The following SLC30A3 variants were observed in gnomAD, a reference collection of about 807,000 sequenced individuals.
SLC30A3 encodes the protein probable proton-coupled zinc antiporter SLC30A3.
In SLC30A3, 20 loss-of-function variants were observed where a neutral mutation model predicts 35.6. The ratio of observed to expected loss-of-function variants is 0.56; its 90% CI spans 0.39 to 0.82. The LOEUF (loss-of-function observed/expected upper bound fraction) is 0.82, where lower values mean the gene tolerates loss of function less well. Among genes scored for constraint, SLC30A3 ranks in the 40% least tolerant of loss-of-function variants. The pLI, the probability that SLC30A3 is intolerant of heterozygous loss-of-function variation, is 0.00. For synonymous variants in SLC30A3, 217 were observed against 224.7 expected, an observed-to-expected ratio of 0.97 and a Z score of 0.31; for missense variants, 401 against 530.6, an observed-to-expected ratio of 0.76 and a Z score of 2.40.
At chr2:27,269,556 GT>G (rs1292716230) in intron 1 of SLC30A3, among the ~76,000 whole-genome samples, 1 of 151,938 alleles carries the variant, frequency 6.6e-6, no homozygotes, top group Non-Finnish European at 1.5e-5. Flanking sequence ...ATGGAGTGTG[GT>G]TTTGAGGCAA....
At chr2:27,273,514 C>T (rs1412408387) in intron 1 of SLC30A3, among the ~76,000 whole-genome samples, 1 of 148,236 alleles carries the variant, frequency 6.7e-6, no homozygotes, top group Non-Finnish European at 1.5e-5. Flanking sequence ...CCATGATAGT[C>T]ATGAAAGCTT....
rs1676902014 is a variant in SLC30A3 at position 27,257,082 on chromosome 2, G to C, written c.777+72C>G. 6.8e-7 allele frequency: 1 copy of C among 1,473,246 alleles called. No individual in the cohort carries two copies. 91.3% of individuals were successfully genotyped at this position (1,473,246 alleles called of 1,614,324 possible). ...CTGGAGGGAGGAGGAAGGAAGCTTT[G>C]GGACCTGGGAAGGAGTGGGCTGGGA... On this transcript the variant is annotated intron_variant, in intron 5 of 7. Coordinates refer to ENST00000233535, the MANE Select transcript of SLC30A3 (RefSeq NM_003459.5). This position sits in a 1 kb window ranked among gnomAD's most constrained non-coding sequence, Gnocchi z 4.7.
At chr2:27,275,058 TCC>T in intron 1 of SLC30A3, 2 of 528,084 alleles carry the variant, frequency 3.8e-6, no homozygotes, top group Non-Finnish European at 6.6e-6. Flanking sequence ...AGTTGGGTCT[TCC>T]AGGTTGTGGA....
At chr2:27,264,071 C>A, upstream of SLC30A3, 1 of 1,288,572 alleles carries the variant, frequency 7.8e-7, no homozygotes, top group Non-Finnish European at 1.0e-6. This position sits in a 1 kb window ranked among gnomAD's most constrained non-coding sequence, Gnocchi z 6.1. Context: ...TCTCCCCTCG[C>A]ACCTGCCGCC....
chr2:27,260,878 T>C (rs1013438638), intron 1 of SLC30A3, among the ~76,000 whole-genome samples: 1 of 152,146 alleles, frequency 6.6e-6, no homozygotes. Context: ...AAGGAGGCTG[T>C]GAAACCGATC....
At chr2:27,263,804 T>C (rs1677355019), upstream of SLC30A3, among the ~76,000 whole-genome samples, 1 of 142,828 alleles carries the variant, frequency 7.0e-6, no homozygotes. Flanking sequence ...TGGAGAGCGC[T>C]CACAGTTCTC....
At chr2:27,270,264 T>C (rs1454746216) in intron 1 of SLC30A3, among the ~76,000 whole-genome samples, 2 of 152,196 alleles carry the variant, frequency 1.3e-5, no homozygotes, top group Non-Finnish European at 2.9e-5. Flanking sequence ...GCAATAGTTT[T>C]TATTAGAAGT....
chr2:27,273,429 C>T (rs965340951), intron 1 of SLC30A3, among the ~76,000 whole-genome samples: 1 of 152,202 alleles, frequency 6.6e-6, no homozygotes, highest in African/African-American at 2.4e-5. Context: ...TATAAGTGAA[C>T]CTCTAATGCC....
Position 27,255,272 on chromosome 2 carries a change from G to A in SLC30A3, c.*40C>T. 2 of 1,611,608 alleles carry A rather than the reference G, an allele frequency of 1.2e-6. No individual in the cohort carries two copies. The highest frequency in any genetic ancestry group is 4.5e-5 in the East Asian group (2 of 44,836). On this transcript the variant is annotated 3_prime_UTR_variant, in exon 8 of 8. Transcript: ENST00000233535. The surrounding 1 kb of genome is among the most constrained non-coding windows in gnomAD (Gnocchi z 5.2). ...CAGCAGATGCTGAGAGTCTGGGGCT[G>A]AGCCTCGGCCTGGCAGTGGGGTGAG... is the stretch of plus-strand genomic sequence containing the variant.
chr2:27,257,490 C>T lies in SLC30A3; in HGVS notation c.579-138G>A, dbSNP rs1490036822. Reference sequence around the variant, plus strand: ...CATTTTGCAAGAGAGATAAACAATGCAGCCTGGGGGAAAGAATACCAGACT... The same window carrying T: ...CATTTTGCAAGAGAGATAAACAATGTAGCCTGGGGGAAAGAATACCAGACT... On this transcript the variant is annotated intron_variant, in intron 4 of 7. Coordinates refer to ENST00000233535, the MANE Select transcript of SLC30A3 (RefSeq NM_003459.5). The surrounding 1 kb of genome is among the most constrained non-coding windows in gnomAD (Gnocchi z 4.7). 1 of 805,240 alleles carries T rather than the reference C, an allele frequency of 1.2e-6. No homozygotes were observed. Among genetic ancestry groups the T allele is most frequent in the East Asian group, 2.7e-5 (1 of 37,212 alleles). The allele number at this position is 805,240 out of a possible 1,614,324, so 49.9% of individuals were successfully genotyped here. A position where few individuals can be genotyped will look rare whatever the true frequency, so the allele number is the denominator to read the frequency against.
chr2:27,262,913 GGT>G lies in SLC30A3; in HGVS notation c.-9_-8del. The G allele has an allele frequency of 6.4e-7, 1 of 1,554,262 alleles. No homozygotes were observed. The highest frequency in any genetic ancestry group is 8.6e-7 in the Non-Finnish European group (1 of 1,157,684). On this transcript the variant is annotated 5_prime_UTR_variant, in exon 1 of 8. Transcript: ENST00000233535. This position sits in a 1 kb window ranked among gnomAD's most constrained non-coding sequence, Gnocchi z 7.5. ...CGGCTGGAGAGGGCTCCATGTTCCC[GGT>G]GCCCCGACCGTCTAGGCCCCACCGA...
At position 27,255,645 on chromosome 2, in the gene SLC30A3, A is replaced by T; in HGVS notation, c.1019-185T>A. Reference sequence around the variant, plus strand: ...TCAAATGTTGGAGAGACTCACCCCAATCAACCATGCTAACACACTAAACTC... The same window carrying T: ...TCAAATGTTGGAGAGACTCACCCCATTCAACCATGCTAACACACTAAACTC... On this transcript the variant is annotated intron_variant, in intron 7 of 7. Transcript: ENST00000233535. This position sits in a 1 kb window ranked among gnomAD's most constrained non-coding sequence, Gnocchi z 5.2. The T allele has an allele frequency of 1.6e-6, 1 of 630,990 alleles. No individual in the cohort carries two copies. Among genetic ancestry groups the T allele is most frequent in the South Asian group, 1.9e-5 (1 of 51,488 alleles). The allele number at this position is 630,990 out of a possible 1,614,324, so 39.1% of individuals were successfully genotyped here.
Position 27,262,842 on chromosome 2 carries a change from C to T in SLC30A3, c.65G>A (p.Gly22Asp), listed in dbSNP as rs770493195. 1.3e-6 allele frequency: 2 copies of T among 1,566,950 alleles called. No homozygotes were observed. Among genetic ancestry groups the T allele is most frequent in the African/African-American group, 2.8e-5 (2 of 70,212 alleles). The change falls in exon 1 of 8, where the codon GGT (glycine) becomes GAT (aspartate). Residue 22 changes from glycine to aspartate, a missense_variant. By Grantham distance (94) the Gly-to-Asp change is moderately conservative. This residue lies in a region of SLC30A3 where 103 missense variants were observed against 120.7 expected (regional missense o/e 0.85). Coordinates refer to ENST00000233535, the MANE Select transcript of SLC30A3 (RefSeq NM_003459.5). The surrounding 1 kb of genome is among the most constrained non-coding windows in gnomAD (Gnocchi z 7.5). Reference protein sequence around the residue: ...TTRLVSPRDRGGAGGSLRLKS... With the variant: ...TTRLVSPRDRDGAGGSLRLKS... ...CAAACGCAGGCTGCCTCCGGCGCCA[C>T]CGCGGTCCCGGGGGCTCACCAGGCG...
upstream of SLC30A3, chr2:27,263,965 G>C (rs946968630): frequency 1.7e-5 from 18 of 1,079,588 alleles, no homozygotes; most frequent in Non-Finnish European, 1.8e-5. Context: ...ACCGCATTCT[G>C]CCTCATTTGG....
At chr2:27,275,226 G>A in exon 1 of SLC30A3, 2 of 1,303,994 alleles carry the variant, frequency 1.5e-6, no homozygotes, top group Non-Finnish European at 2.0e-6. Context: ...GGAGTGAGTT[G>A]GGCCATCAAG....
Position 27,257,972 on chromosome 2 carries a change from T to G in SLC30A3, c.511A>C (p.Ser171Arg), listed in dbSNP as rs764323697. The G allele has an allele frequency of 5.6e-6, 9 of 1,614,036 alleles. No homozygotes were observed. Among genetic ancestry groups the G allele is most frequent in the African/African-American group, 1.3e-5 (1 of 74,924 alleles). ...LYLAFVRLLH[S>R]DYHIEGGAML... ...GCACCCCCCTCGATGTGGTAGTCGCTGTGCAGCAGGCGGACGAAGGCCAGG... is the reference window on the plus strand; with the variant it reads ...GCACCCCCCTCGATGTGGTAGTCGCGGTGCAGCAGGCGGACGAAGGCCAGG... Residue 171 changes from serine to arginine, a missense_variant, in exon 4 of 8, where the codon AGC becomes CGC. By Grantham distance (110) the Ser-to-Arg change is moderately radical. Coordinates refer to ENST00000233535, the MANE Select transcript of SLC30A3 (RefSeq NM_003459.5). This position sits in a 1 kb window ranked among gnomAD's most constrained non-coding sequence, Gnocchi z 4.7.
chr2:27,272,562 C>T (rs556253481), intron 1 of SLC30A3, among the ~76,000 whole-genome samples: 3 of 150,106 alleles, frequency 2.0e-5, no homozygotes, highest in African/African-American at 2.5e-5. Context: ...GGCACGATCT[C>T]GGCTCACTGC....
chr2:27,272,903 T>G (rs1677785666), intron 1 of SLC30A3, among the ~76,000 whole-genome samples: 3 of 151,254 alleles, frequency 2.0e-5, no homozygotes, highest in African/African-American at 7.3e-5. Flanking sequence ...AATATGAAAA[T>G]TAGCTGGGCA....
intron 1 of SLC30A3, among the ~76,000 whole-genome samples, chr2:27,260,255 G>A (rs1273521477): frequency 2.6e-5 from 4 of 152,206 alleles, no homozygotes; most frequent in Non-Finnish European, 5.9e-5. Flanking sequence ...CTGATGGCTA[G>A]ATTCCAGAGC....
Sources: allele counts gnomAD v4.1 joint callset (sites outside exome capture counted in the v4.1 genomes callset), GRCh38; gene constraint gnomAD v4.1.1; regional missense constraint gnomAD v4.1.1; non-coding constraint Gnocchi (gnomAD v3.1); transcripts MANE v1.5; gene names NCBI Gene and HGNC (gene_info 2026-07-23, HGNC 2026-07-21).